The following FMN2 variants were observed in gnomAD, a reference collection of about 807,000 sequenced individuals.
The protein encoded by FMN2 is formin-2.
In FMN2, 51 loss-of-function variants were observed where a neutral mutation model predicts 142.3. The ratio of observed to expected loss-of-function variants is 0.36; its 90% CI spans 0.29 to 0.45. The LOEUF is 0.45. Among genes scored for constraint, FMN2 ranks in the 20% least tolerant of loss-of-function variants. The probability of loss-of-function intolerance (pLI) is 1.00; values close to 1 mark genes in which losing one functional copy is unlikely to be tolerated. For missense variants in FMN2, 1,936 were observed against 2,122.8 expected, an observed-to-expected ratio of 0.91 and a Z score of 1.73; for synonymous variants, 882 against 869.8, an observed-to-expected ratio of 1.01 and a Z score of -0.25.
intron 6 of FMN2, among the ~76,000 whole-genome samples, chr1:240,256,396 G>T (rs35979337): frequency 0.18 from 26,772 of 151,904 alleles, 3,005 homozygotes; most frequent in Non-Finnish European, 0.24. Context: ...TTTTGCAAAA[G>T]CAGCGCCTTT....
intron 7 of FMN2, among the ~76,000 whole-genome samples, chr1:240,292,138 A>C (rs150448902): frequency 6.6e-6 from 1 of 152,328 alleles, no homozygotes; most frequent in African/African-American, 2.4e-5. Flanking sequence ...ATCTTGTAAA[A>C]ATAATATTCC....
intron 14 of FMN2, among the ~76,000 whole-genome samples, chr1:240,370,524 T>C (rs1379883473): frequency 2.0e-5 from 3 of 152,170 alleles, no homozygotes; most frequent in Non-Finnish European, 2.9e-5. Flanking sequence ...TTTGGTACTG[T>C]ACAGCCCGAA....
chr1:240,199,978 G>A (rs1666066978), intron 4 of FMN2, among the ~76,000 whole-genome samples: 2 of 152,312 alleles, frequency 1.3e-5, no homozygotes, highest in South Asian at 2.1e-4. Context: ...TGCTGAGTGA[G>A]AGTCTTTCTG....
At chr1:240,214,248 G>A (rs1307732785) in intron 6 of FMN2, among the ~76,000 whole-genome samples, 2 of 152,088 alleles carry the variant, frequency 1.3e-5, no homozygotes, top group Non-Finnish European at 2.9e-5. Flanking sequence ...GGAATAAAGA[G>A]GAAAATAGAA....
chr1:240,198,251 G>GAA (rs1665989648), intron 4 of FMN2, among the ~76,000 whole-genome samples: 1 of 152,124 alleles, frequency 6.6e-6, no homozygotes, highest in African/African-American at 2.4e-5. Flanking sequence ...AACCAAAAAG[G>GAA]CTGGTTCTTT....
At chr1:240,159,367 A>G (rs11805842) in intron 2 of FMN2, among the ~76,000 whole-genome samples, 6,101 of 151,916 alleles carry the variant, frequency 0.04, 404 homozygotes, top group African/African-American at 0.14. Context: ...TAGGCTTGAC[A>G]CTCTATTTTT....
chr1:240,183,651 T>C (rs1040937983), intron 3 of FMN2, among the ~76,000 whole-genome samples: 5 of 151,914 alleles, frequency 3.3e-5, no homozygotes, highest in African/African-American at 4.8e-5. Flanking sequence ...CTGTATTTTG[T>C]TGACAATGAG....
chr1:240,129,344 G>A (rs367984146), intron 2 of FMN2, among the ~76,000 whole-genome samples: 11 of 152,030 alleles, frequency 7.2e-5, no homozygotes, highest in Non-Finnish European at 1.5e-4. Context: ...GAAACGTTGT[G>A]TACAGTATCA....
rs71168898 is a variant in FMN2, at chr1:240,121,735, T to TAAAAAAAAAAAAA, written c.1616-1425_1616-1413dup. Reference sequence around the variant, plus strand: ...CTCTTGCCTTTTTTTAGGGAAATAGTAAAAAAAAAAAAAAAAAAAAAAAAA... The same window carrying TAAAAAAAAAAAAA: ...CTCTTGCCTTTTTTTAGGGAAATAGTAAAAAAAAAAAAAAAAAAAAAAAAAAAAAAAAAAAAAA... On this transcript the variant is annotated intron_variant, in intron 1 of 17. Coordinates refer to ENST00000319653, the MANE Select transcript of FMN2 (RefSeq NM_020066.5). 1.3e-3 allele frequency among the ~76,000 whole-genome samples: 33 copies of TAAAAAAAAAAAAA among 25,678 alleles called. 4 individuals carry two copies. The highest frequency in any genetic ancestry group is 2.3e-3 in the African/African-American group (15 of 6,614). 16.8% of individuals were successfully genotyped at this position (25,678 alleles called of 152,430 possible).
chr1:240,329,467 A>T lies in FMN2; in HGVS notation c.4436A>T (p.Glu1479Val), dbSNP rs761041599. The T allele has an allele frequency of 1.2e-6, 2 of 1,613,594 alleles. No homozygotes were observed. Among genetic ancestry groups the T allele is most frequent in the East Asian group, 4.5e-5 (2 of 44,866 alleles). Residue 1479 changes from glutamate (E) to valine (V), a missense_variant and splice_region_variant, in exon 10 of 18, where the codon GAG becomes GTG. This residue lies in a region of FMN2 where 322 missense variants were observed against 401.6 expected (regional missense o/e 0.80). Coordinates refer to ENST00000319653, the MANE Select transcript of FMN2 (RefSeq NM_020066.5). ...RKLELLQKLC[E>V]TLKNGPGVMQ... ...CTGGAATTACTACAGAAATTGTGTG[A>T]GGTGAGTTCTGGTCCAAAGAGAGCT...
At chr1:240,406,066 C>G (rs12736892) in intron 15 of FMN2, among the ~76,000 whole-genome samples, 1,817 of 51,606 alleles carry the variant, frequency 0.035, 10 homozygotes, top group Non-Finnish European at 0.047. Context: ...GGGAATCAGC[C>G]TCAGGAGTGG....
At chr1:240,387,910 G>T (rs1408416838) in intron 14 of FMN2, among the ~76,000 whole-genome samples, 2 of 152,056 alleles carry the variant, frequency 1.3e-5, no homozygotes, top group Non-Finnish European at 2.9e-5. Flanking sequence ...AGGCACGGTG[G>T]CTCATGCCTG....
rs1676135979 is a variant in FMN2, at chr1:240,453,761, G to A, written c.5060+15551G>A. ...TCCCAGCACTTTGGGAGGCCGAGGC[G>A]GGTGGATCATGAGGTCAGGAGATCG... On this transcript the variant is annotated intron_variant, in intron 16 of 17. Transcript: ENST00000319653. Among the ~76,000 whole-genome samples the A allele has an allele frequency of 1.9e-4, 2 of 10,558 alleles. 1 individual carries two copies. 6.9% of individuals were successfully genotyped at this position (10,558 alleles called of 152,430 possible). A position where few individuals can be genotyped will look rare whatever the true frequency, so the allele number is the denominator to read the frequency against.
At chr1:240,363,287 T>C (rs923630202) in intron 14 of FMN2, among the ~76,000 whole-genome samples, 2 of 152,258 alleles carry the variant, frequency 1.3e-5, no homozygotes, top group Non-Finnish European at 2.9e-5. Context: ...TCTCCCTTCA[T>C]TGACCATTTA....
At chr1:240,220,540 C>T (rs1667064449) in intron 6 of FMN2, among the ~76,000 whole-genome samples, 1 of 151,940 alleles carries the variant, frequency 6.6e-6, no homozygotes, top group South Asian at 2.1e-4. Context: ...TGAATACACA[C>T]CTGCCAGGCT....
chr1:240,300,716 C>CT (rs1239814107), intron 8 of FMN2, among the ~76,000 whole-genome samples: 1 of 152,124 alleles, frequency 6.6e-6, no homozygotes, highest in African/African-American at 2.4e-5. Context: ...ATGCAGTTTG[C>CT]TAAGATCAGT....
In FMN2 at chr1:240,332,272, A is replaced by C. The variant is rs187450116; in HGVS notation, c.4584+1523A>C. Among the ~76,000 whole-genome samples, 40 of 152,006 alleles carry C rather than the reference A, an allele frequency of 2.6e-4. 1 individual carries two copies. Among genetic ancestry groups the C allele is most frequent in the African/African-American group, 9.7e-4 (40 of 41,422 alleles). On this transcript the variant is annotated intron_variant, in intron 11 of 17. Coordinates refer to ENST00000319653, the MANE Select transcript of FMN2 (RefSeq NM_020066.5). ...GATAAATTACATTTGTTAAAAAAAAAATGCTGAAGCCGAGTGCAATAGCAT... is the reference window on the plus strand; with the variant it reads ...GATAAATTACATTTGTTAAAAAAAACATGCTGAAGCCGAGTGCAATAGCAT...
In FMN2 at chr1:240,323,142, C is replaced by CT. The variant is rs879900299; in HGVS notation, c.4216-5931dup. ...CTTTTTCTTTCCTTCCTTCCTTTTC[C>CT]TTTCCTTTCTCTTTCTCTTTCTCTC... On this transcript the variant is annotated intron_variant, in intron 8 of 17. Coordinates refer to ENST00000319653, the MANE Select transcript of FMN2 (RefSeq NM_020066.5). Among the ~76,000 whole-genome samples the CT allele has an allele frequency of 2.1e-3, 297 of 140,338 alleles. 3 individuals carry two copies. The highest frequency in any genetic ancestry group is 5.9e-3 in the Admixed American group (81 of 13,622). The allele number at this position is 140,338 out of a possible 152,430, so 92.1% of individuals were successfully genotyped here.
At chr1:240,150,041 TACTC>T (rs762914202) in intron 2 of FMN2, among the ~76,000 whole-genome samples, 5 of 152,188 alleles carry the variant, frequency 3.3e-5, no homozygotes, top group Non-Finnish European at 5.9e-5. Flanking sequence ...ATACAGCACT[TACTC>T]CATTAAAGTC....
Sources: gnomAD v4.1 joint callset for allele counts (sites outside exome capture counted in the v4.1 genomes callset) on GRCh38, gnomAD v4.1.1 for gene constraint, gnomAD v4.1.1 regional missense constraint, MANE v1.5 for transcripts, NCBI Gene and HGNC (gene_info 2026-07-23, HGNC 2026-07-21) for gene names.